MAGI2: variants seen among roughly 807,000 people sequenced by gnomAD.
MAGI2 encodes the protein membrane associated guanylate kinase, WW and PDZ domain containing 2.
In MAGI2, 35 loss-of-function variants were observed where a neutral mutation model predicts 133.3. The observed-to-expected ratio is 0.26, with a 90% CI of 0.20 to 0.35. The LOEUF (loss-of-function observed/expected upper bound fraction) is 0.35, where lower values mean the gene tolerates loss of function less well. Among genes scored for constraint, MAGI2 ranks in the 10% least tolerant of loss-of-function variants. The pLI is 1.00. For missense variants in MAGI2, 1,636 were observed against 1,863.4 expected (o/e 0.88, Z 2.25); for synonymous variants, 729 against 710.6 (o/e 1.03, Z -0.41).
chr7:78,533,570 A>T (rs1318162510), intron 3 of MAGI2, among the ~76,000 whole-genome samples: 1 of 152,232 alleles, frequency 6.6e-6, no homozygotes, highest in Non-Finnish European at 1.5e-5. Flanking sequence ...CTAGAGCGGC[A>T]CTATCCAATA....
chr7:78,565,462 T>C (rs1371196046), intron 3 of MAGI2, among the ~76,000 whole-genome samples: 2 of 146,164 alleles, frequency 1.4e-5, no homozygotes, highest in East Asian at 2.0e-4. Flanking sequence ...TGAGACCCCA[T>C]CTCTAAAACG....
In MAGI2 at chr7:78,926,007, T is replaced by C. The variant is rs145846325; in HGVS notation, c.418+81083A>G. 6.9e-3 allele frequency among the ~76,000 whole-genome samples: 1,050 copies of C among 152,078 alleles called. 3 individuals carry two copies. The highest frequency in any genetic ancestry group is 0.011 in the Non-Finnish European group (763 of 67,934). ...TCACTGTTTTTGACTAAAATACTGT[T>C]CTCATACTTTTCATTTTGTACATGT... On this transcript the variant is annotated intron_variant, in intron 2 of 21. Transcript: ENST00000354212.
chr7:78,194,874 G>A lies in MAGI2; in HGVS notation c.2269C>T (p.Gln757Ter), dbSNP rs747282945. Residue 757 changes from glutamine to a stop codon, truncating the protein, a stop_gained and splice_region_variant, in exon 12 of 22, where the codon CAA (glutamine) becomes TAA (stop). Coordinates refer to ENST00000354212, the MANE Select transcript of MAGI2 (RefSeq NM_012301.4). LOFTEE classifies it high-confidence loss of function. ...EKSRAIYESR[Q>*]QVPPRTSFRM... ...CTTGTTTCATGTGGCTTTCACTTAC[G>A]CCTACTTTCATAAATGGCCCTAGAT... is the stretch of plus-strand genomic sequence containing the variant. 1.3e-6 allele frequency: 2 copies of A among 1,597,384 alleles called. No individual in the cohort carries two copies. The highest frequency in any genetic ancestry group is 1.7e-6 in the Non-Finnish European group (2 of 1,173,138).
rs146762086 is a variant in MAGI2 at position 78,037,191 on chromosome 7, G to A, written c.3707-17215C>T. Reference sequence around the variant, plus strand: ...GACAGTGGCTCTGGGTGTACCTAGCGCAATTGGGGTCACAGGCCCCTCTTT... The same window carrying A: ...GACAGTGGCTCTGGGTGTACCTAGCACAATTGGGGTCACAGGCCCCTCTTT... On this transcript the variant is annotated intron_variant, in intron 21 of 21. Transcript: ENST00000354212. 3.7e-3 allele frequency among the ~76,000 whole-genome samples: 556 copies of A among 152,158 alleles called. 2 individuals are homozygous for A. The highest frequency in any genetic ancestry group is 0.013 in the African/African-American group (521 of 41,472).
rs141668742 is a variant in MAGI2 at position 78,354,395 on chromosome 7, C to T, written c.1104-8352G>A. ...TACAGGAATCCTTTGGAGCTTGACT[C>T]TAAGGAGAGTCAGAGAATTACCAAG... On this transcript the variant is annotated intron_variant, in intron 7 of 21. Transcript: ENST00000354212. 7.9e-3 allele frequency among the ~76,000 whole-genome samples: 1,206 copies of T among 152,236 alleles called. 56 individuals carry two copies. Among genetic ancestry groups the T allele is most frequent in the Admixed American group, 0.07 (1,068 of 15,294 alleles).
chr7:78,986,963 C>A (rs1805318093), intron 2 of MAGI2, among the ~76,000 whole-genome samples: 1 of 151,950 alleles, frequency 6.6e-6, no homozygotes, highest in Non-Finnish European at 1.5e-5. Flanking sequence ...AGACGATGGA[C>A]AGCAGGGTCA....
chr7:78,890,897 T>C (rs989679629), intron 2 of MAGI2, among the ~76,000 whole-genome samples: 17 of 151,564 alleles, frequency 1.1e-4, no homozygotes, highest in Admixed American at 1.1e-3. Context: ...CTGAAGAAAA[T>C]AGAGACACAA....
chr7:78,781,965 A>G (rs1380183808), intron 2 of MAGI2, among the ~76,000 whole-genome samples: 2 of 152,234 alleles, frequency 1.3e-5, no homozygotes, highest in Non-Finnish European at 2.9e-5. Context: ...ATTCTTTAAA[A>G]TTCTACATGT....
chr7:78,433,570 A>G (rs1404126762), intron 6 of MAGI2, among the ~76,000 whole-genome samples: 1 of 152,068 alleles, frequency 6.6e-6, no homozygotes, highest in Non-Finnish European at 1.5e-5. Context: ...GGATGTCCCA[A>G]TCAGAACAGC....
At chr7:78,061,963 C>G (rs1458614829) in intron 21 of MAGI2, among the ~76,000 whole-genome samples, 1 of 152,164 alleles carries the variant, frequency 6.6e-6, no homozygotes, top group Non-Finnish European at 1.5e-5. Flanking sequence ...TGCAGTATGT[C>G]ACAGGAAAAG....
At position 79,391,528 on chromosome 7, in the gene MAGI2, T is replaced by TAGAC. The variant is rs1286709647; in HGVS notation, c.301+61491_301+61492insGTCT. On this transcript the variant is annotated intron_variant, in intron 1 of 21. Coordinates refer to ENST00000354212, the MANE Select transcript of MAGI2 (RefSeq NM_012301.4). ...ATAGACATATATATATATATATATA[T>TAGAC]ATATATATAGACATATATATATATA... Among the ~76,000 whole-genome samples the TAGAC allele has an allele frequency of 9.1e-4, 83 of 91,214 alleles. 1 individual carries two copies. The highest frequency in any genetic ancestry group is 3.0e-3 in the African/African-American group (71 of 23,470). The allele number at this position is 91,214 out of a possible 152,430, so 59.8% of individuals were successfully genotyped here. A position where few individuals can be genotyped will look rare whatever the true frequency, so the allele number is the denominator to read the frequency against.
Position 78,379,911 on chromosome 7 carries a change from TA to T in MAGI2, c.1046-10699del, listed in dbSNP as rs143133282. 7.2e-5 allele frequency among the ~76,000 whole-genome samples: 11 copies of T among 152,162 alleles called. No individual in the cohort carries two copies. In the East Asian group the frequency reaches 2.1e-3, roughly 29 times the overall value. On this transcript the variant is annotated intron_variant, in intron 6 of 21. Coordinates refer to ENST00000354212, the MANE Select transcript of MAGI2 (RefSeq NM_012301.4). ...AATTATGATCAAAGAAAATTTCATC[TA>T]GAAATTAAGAATTTGAAATAACTCT...
At chr7:79,353,347 T>C in intron 1 of MAGI2, 1 of 413,542 alleles carries the variant, frequency 2.4e-6, no homozygotes, top group Non-Finnish European at 4.9e-6. Context: ...GACCACTTTC[T>C]CTTCAGTCAT....
At chr7:78,388,259 A>G (rs1795581819) in intron 6 of MAGI2, among the ~76,000 whole-genome samples, 2 of 146,388 alleles carry the variant, frequency 1.4e-5, no homozygotes, top group African/African-American at 5.1e-5. Flanking sequence ...TAGTACTGTT[A>G]CTGTTGCTCC....
chr7:78,255,801 G>T (rs983248947), intron 10 of MAGI2, 142 bp downstream of exon 10: 6 of 863,916 alleles, frequency 6.9e-6, no homozygotes, highest in Non-Finnish European at 1.1e-5. Context: ...TTTAATTCAT[G>T]TTTTTCTCTC....
chr7:78,595,000 A>G (rs1412209560), intron 3 of MAGI2, among the ~76,000 whole-genome samples: 1 of 152,206 alleles, frequency 6.6e-6, no homozygotes, highest in African/African-American at 2.4e-5. Context: ...AAGGTATATA[A>G]GGTCTGGAAG....
At chr7:79,357,771 T>C (rs1212417561) in intron 1 of MAGI2, among the ~76,000 whole-genome samples, 2 of 152,178 alleles carry the variant, frequency 1.3e-5, no homozygotes, top group African/African-American at 2.4e-5. Flanking sequence ...ACCATTGCCA[T>C]TTACTGGCTT....
At chr7:78,565,799 GA>G (rs1426507761) in intron 3 of MAGI2, among the ~76,000 whole-genome samples, 1 of 152,050 alleles carries the variant, frequency 6.6e-6, no homozygotes. Flanking sequence ...TTTGAATTAA[GA>G]AAAATGGAAA....
intron 21 of MAGI2, among the ~76,000 whole-genome samples, chr7:78,063,872 A>G (rs553425532): frequency 4.6e-5 from 7 of 152,302 alleles, no homozygotes; most frequent in African/African-American, 1.7e-4. Flanking sequence ...TGGACATAGC[A>G]GAGCCTTTTT....
Sources: gnomAD v4.1 joint callset for allele counts (sites outside exome capture counted in the v4.1 genomes callset) on GRCh38, gnomAD v4.1.1 for gene constraint, MANE v1.5 for transcripts, NCBI Gene and HGNC (gene_info 2026-07-23, HGNC 2026-07-21) for gene names.